VRK2: variants seen among roughly 807,000 people sequenced by gnomAD.
VRK2 encodes the protein serine/threonine-protein kinase VRK2.
A neutral mutation model predicts 57.6 loss-of-function variants in VRK2; 60 were observed. The ratio of observed to expected loss-of-function variants is 1.04; its 90% confidence interval spans 0.85 to 1.29. The LOEUF is 1.29. VRK2 is among the 50% of genes most tolerant of loss of function. VRK2 has a pLI of 0.00. For missense variants in VRK2, 705 were observed against 588.1 expected (o/e 1.20, Z -2.06); for synonymous variants, 231 against 199.2 (o/e 1.16, Z -1.35).
At chr2:58,093,020 T>C (rs1672595865) in intron 7 of VRK2, among the ~76,000 whole-genome samples, 1 of 151,906 alleles carries the variant, frequency 6.6e-6, no homozygotes, top group Non-Finnish European at 1.5e-5. Context: ...TGCATAGTAT[T>C]CCATGGTATA....
At position 57,948,923 on chromosome 2, in the gene VRK2, C is replaced by A. The variant is rs376309852; in HGVS notation, c.-439+41084C>A. Among the ~76,000 whole-genome samples the A allele has an allele frequency of 2.8e-4, 43 of 152,162 alleles. 1 individual carries two copies. The South Asian group carries it at 8.3e-3, about 29-fold the overall frequency. ...AAGAAAGGAAAGCTGATGAAGTAAA[C>A]TGCAGTAGAAAGGAACACTAAGGTA... On this transcript the variant is annotated intron_variant, in intron 1 of 15. Coordinates refer to the VRK2 transcript ENST00000417641.
At chr2:58,098,829 TTAAC>T (rs1042318874) in intron 7 of VRK2, among the ~76,000 whole-genome samples, 2 of 152,146 alleles carry the variant, frequency 1.3e-5, no homozygotes, top group African/African-American at 2.4e-5. Context: ...AAAATCCATT[TTAAC>T]TAACTTTTTG....
intron 1 of VRK2, among the ~76,000 whole-genome samples, chr2:57,947,703 T>C (rs1245364639): frequency 1.3e-5 from 2 of 152,124 alleles, no homozygotes; most frequent in African/African-American, 4.8e-5. Flanking sequence ...ATCACATGAG[T>C]TGTGTACCTG....
intron 7 of VRK2, among the ~76,000 whole-genome samples, chr2:58,092,699 A>G (rs559654128): frequency 2.0e-4 from 30 of 152,214 alleles, no homozygotes; most frequent in African/African-American, 6.5e-4. Context: ...GTTCTAGGGT[A>G]CATGTGCACA....
At chr2:58,110,611 G>C (rs1020151823) in intron 7 of VRK2, among the ~76,000 whole-genome samples, 2 of 152,070 alleles carry the variant, frequency 1.3e-5, no homozygotes, top group African/African-American at 4.8e-5. Context: ...TGGGGTTCTT[G>C]GGGAGGCTAA....
intron 1 of VRK2, among the ~76,000 whole-genome samples, chr2:57,951,889 G>C (rs1369866874): frequency 6.6e-6 from 1 of 150,548 alleles, no homozygotes; most frequent in South Asian, 2.1e-4. Flanking sequence ...AACTACAGAA[G>C]CATACCACCA....
chr2:58,123,143 A>G lies in VRK2; in HGVS notation c.586A>G (p.Asn196Asp). 1.9e-6 allele frequency: 3 copies of G among 1,598,982 alleles called. No homozygotes were observed. The highest frequency in any genetic ancestry group is 2.6e-6 in the Non-Finnish European group (3 of 1,175,878). Reference protein sequence around the residue: ...DYGLSYRYCPNGNHKQYQENP... With the variant: ...DYGLSYRYCPDGNHKQYQENP... ...TGGACTTTCCTACAGATATTGTCCC[A>G]ATGGGAACCACAAACAGTATCAGGA... The change falls in exon 8 of 13, where the codon AAT (asparagine) becomes GAT (aspartate). Residue 196 changes from asparagine to aspartate, a missense_variant. By Grantham distance (23) the Asn-to-Asp change is conservative (BLOSUM62 1). Transcript: ENST00000340157.
At chr2:58,026,126 T>C (rs781482170) in intron 2 of VRK2, among the ~76,000 whole-genome samples, 7 of 152,178 alleles carry the variant, frequency 4.6e-5, no homozygotes, top group Non-Finnish European at 8.8e-5. Context: ...TTGTACTCTG[T>C]CTCACTTGTT....
chr2:58,046,600 C>A, upstream of VRK2: 1 of 985,574 alleles, frequency 1.0e-6, no homozygotes, highest in Non-Finnish European at 1.2e-6. Flanking sequence ...TCCCATTCCC[C>A]ATGTAGCCGC....
intron 7 of VRK2, among the ~76,000 whole-genome samples, chr2:58,104,049 A>T (rs1199613811): frequency 6.6e-6 from 1 of 151,780 alleles, no homozygotes; most frequent in East Asian, 1.9e-4. Flanking sequence ...ACCCTCTACA[A>T]ACCAGACGTA....
intron 11 of VRK2, among the ~76,000 whole-genome samples, chr2:58,143,837 A>G (rs1044869520): frequency 6.6e-6 from 1 of 151,874 alleles, no homozygotes; most frequent in South Asian, 2.1e-4. Flanking sequence ...AGTGTGTGTC[A>G]ATGGGTGAAT....
rs79177748 is a variant in VRK2 at position 57,946,618 on chromosome 2, G to A, written c.-439+38779G>A. On this transcript the variant is annotated intron_variant, in intron 1 of 15. Transcript: ENST00000417641. ...AAGAATCCTGATTATCAATCAATTG[G>A]TATTTCATAGGTCATATTTTGAGAT... 7.4e-3 allele frequency among the ~76,000 whole-genome samples: 1,118 copies of A among 152,094 alleles called. 18 individuals carry two copies. Among genetic ancestry groups the A allele is most frequent in the African/African-American group, 0.025 (1,020 of 41,520 alleles).
intron 1 of VRK2, among the ~76,000 whole-genome samples, chr2:57,998,767 G>C: frequency 6.6e-6 from 1 of 152,122 alleles, no homozygotes; most frequent in South Asian, 2.1e-4. Context: ...TGCTTCACTT[G>C]AATTTATGAT....
intron 2 of VRK2, among the ~76,000 whole-genome samples, chr2:58,068,826 A>C (rs1003216550): frequency 7.2e-4 from 109 of 151,326 alleles, no homozygotes; most frequent in African/African-American, 2.5e-3. Context: ...AAAAAAAAAA[A>C]AAACAAAAAC....
chr2:58,122,502 A>G (rs1677671693), intron 7 of VRK2, among the ~76,000 whole-genome samples: 1 of 152,216 alleles, frequency 6.6e-6, no homozygotes, highest in Non-Finnish European at 1.5e-5. Context: ...AAGAGAAAAT[A>G]TATTTACTGT....
intron 2 of VRK2, among the ~76,000 whole-genome samples, chr2:58,030,389 T>A (rs1309490007): frequency 6.6e-6 from 1 of 152,114 alleles, no homozygotes; most frequent in Non-Finnish European, 1.5e-5. Context: ...TTTGGGGTTT[T>A]ACATGTAAGT....
intron 2 of VRK2, among the ~76,000 whole-genome samples, chr2:58,078,260 G>A (rs943656424): frequency 6.6e-6 from 1 of 151,936 alleles, no homozygotes; most frequent in African/African-American, 2.4e-5. Flanking sequence ...TTGTCTTTTT[G>A]TGTGTGGTGT....
intron 1 of VRK2, among the ~76,000 whole-genome samples, chr2:57,910,480 A>G (rs981082409): frequency 6.6e-6 from 1 of 152,224 alleles, no homozygotes; most frequent in Admixed American, 6.5e-5. Context: ...ATCTCTGTAG[A>G]TTCTGAAGAC....
At chr2:57,971,606 C>G (rs1447084826) in intron 1 of VRK2, among the ~76,000 whole-genome samples, 1 of 151,700 alleles carries the variant, frequency 6.6e-6, no homozygotes, top group Non-Finnish European at 1.5e-5. Flanking sequence ...TGAAAGAGTA[C>G]TTTGTAGGTA....
Sources: allele counts gnomAD v4.1 joint callset (sites outside exome capture counted in the v4.1 genomes callset), GRCh38; gene constraint gnomAD v4.1.1; transcripts MANE v1.5; gene names NCBI Gene and HGNC (gene_info 2026-07-23, HGNC 2026-07-21).